Variants in USO1 observed in about 807,000 individuals in gnomAD.
USO1 encodes the protein general vesicular transport factor p115.
Under a neutral mutation model 124.5 loss-of-function variants are expected in USO1, and 57 were observed. That is an observed-to-expected ratio of 0.46 (90% CI 0.37 to 0.57). The LOEUF is 0.57. Among genes scored for constraint, USO1 ranks in the 20% least tolerant of loss-of-function variants. The probability of loss-of-function intolerance (pLI) is 0.00; values close to 1 mark genes in which losing one functional copy is unlikely to be tolerated. For synonymous variants in USO1, 369 were observed against 362.8 expected (o/e 1.02, Z -0.19); for missense variants, 900 against 1,040.6 (o/e 0.86, Z 1.86).
At chr4:75,760,942 TTCAAGACCAGCCTAGCCAG>T (rs1721589091) in intron 4 of USO1, among the ~76,000 whole-genome samples, 2 of 151,794 alleles carry the variant, frequency 1.3e-5, no homozygotes, top group Admixed American at 6.6e-5. Context: ...AGGTCGGGAG[TTCAAGACCAGCCTAGCCAG>T]CGTGGTGAAA....
intron 23 of USO1, 43 bp from the exon 24 acceptor site, chr4:75,813,163 A>C: frequency 6.4e-7 from 1 of 1,571,860 alleles, no homozygotes; most frequent in South Asian, 1.2e-5. Context: ...TGAATGTGAC[A>C]TGAACAGATT....
chr4:75,739,147 C>A (rs558338814), intron 1 of USO1, among the ~76,000 whole-genome samples: 4 of 152,266 alleles, frequency 2.6e-5, no homozygotes, highest in Admixed American at 6.5e-5. Context: ...CCACTGAGCC[C>A]AGCCAAGTTT....
At chr4:75,728,090 CTTACG>C (rs1720515394) in intron 1 of USO1, among the ~76,000 whole-genome samples, 1 of 152,196 alleles carries the variant, frequency 6.6e-6, no homozygotes, top group African/African-American at 2.4e-5. Context: ...ATTATAGCAA[CTTACG>C]TTACTAGGTA....
intron 4 of USO1, among the ~76,000 whole-genome samples, chr4:75,759,259 T>TTTTTTTTTTTTTTTTTTTTTTTG (rs1353469154): frequency 6.9e-6 from 1 of 143,946 alleles, no homozygotes; most frequent in Non-Finnish European, 1.5e-5. Context: ...TTTTTTTTTT[T>TTTTTTTTTTTTTTTTTTTTTTTG]TTTTTCTGAA....
chr4:75,740,293 G>A (rs1420618641), intron 1 of USO1, among the ~76,000 whole-genome samples: 1 of 152,086 alleles, frequency 6.6e-6, no homozygotes, highest in East Asian at 1.9e-4. Flanking sequence ...AGGACCAGTG[G>A]GTTTTGTTTT....
At chr4:75,776,640 C>T (rs371218169) in intron 8 of USO1, among the ~76,000 whole-genome samples, 2 of 152,278 alleles carry the variant, frequency 1.3e-5, no homozygotes, top group Middle Eastern at 3.4e-3. Context: ...GGAAAGAAGG[C>T]CTGCCAGTTG....
At position 75,813,440 on chromosome 4, in the gene USO1, T is replaced by C; in HGVS notation, c.*145T>C. ...AGACTATTGATATATTTTTGTAATG[T>C]TGCCACCCATGTTGAAAACCTTAAA... On this transcript the variant is annotated 3_prime_UTR_variant, in exon 24 of 24. Transcript: ENST00000514213. The C allele has an allele frequency of 2.3e-6, 2 of 854,586 alleles. No homozygotes were observed. The highest frequency in any genetic ancestry group is 3.2e-6 in the Non-Finnish European group (2 of 621,324). 52.9% of individuals were successfully genotyped at this position (854,586 alleles called of 1,614,324 possible).
At chr4:75,735,970 A>G (rs891889446) in intron 1 of USO1, among the ~76,000 whole-genome samples, 2 of 152,172 alleles carry the variant, frequency 1.3e-5, no homozygotes, top group African/African-American at 4.8e-5. Flanking sequence ...TTGTTAGACT[A>G]TAATTCTGAT....
rs1341464232 is a variant in USO1, at chr4:75,724,578, C to G, written c.-242C>G. The G allele has an allele frequency of 3.7e-6, 2 of 538,938 alleles. No individual in the cohort carries two copies. The highest frequency in any genetic ancestry group is 6.6e-6 in the Non-Finnish European group (2 of 302,010). 33.4% of individuals were successfully genotyped at this position (538,938 alleles called of 1,614,324 possible). A position where few individuals can be genotyped will look rare whatever the true frequency, so the allele number is the denominator to read the frequency against. On this transcript the variant is annotated 5_prime_UTR_variant, in exon 1 of 24. Coordinates refer to ENST00000514213, the MANE Select transcript of USO1 (RefSeq NM_003715.4). ...AAGAGGTTCCTCTCGCCTCCGCTCC[C>G]CTTTTGCCTTCAACCTTCGAGCCGC...
intron 13 of USO1, among the ~76,000 whole-genome samples, chr4:75,796,380 G>C (rs1722681809): frequency 8.1e-6 from 1 of 124,108 alleles, no homozygotes; most frequent in Admixed American, 1.0e-4. Flanking sequence ...CCGTTGCCCA[G>C]ACTGGAGTGC....
chr4:75,757,715 T>G (rs1176941722), intron 4 of USO1, 142 bp downstream of exon 4: 9 of 749,076 alleles, frequency 1.2e-5, no homozygotes, highest in Non-Finnish European at 1.3e-5. Flanking sequence ...AATAAACACA[T>G]AGGCTTAGAT....
At chr4:75,784,357 G>A (rs1051291835) in intron 9 of USO1, among the ~76,000 whole-genome samples, 2 of 152,144 alleles carry the variant, frequency 1.3e-5, no homozygotes, top group Non-Finnish European at 2.9e-5. Flanking sequence ...CTCTAGAAAA[G>A]TAATTTCCAA....
In USO1 at chr4:75,756,202, G is replaced by A. The variant is rs116103657; in HGVS notation, c.219-1295G>A. Among the ~76,000 whole-genome samples the A allele has an allele frequency of 1.4e-3, 213 of 150,182 alleles. 1 individual carries two copies. The highest frequency in any genetic ancestry group is 4.8e-3 in the African/African-American group (197 of 41,028). On this transcript the variant is annotated intron_variant, in intron 3 of 23. Transcript: ENST00000514213. ...AAAAAAAAAGAAGTAGAACAGGAACGCAGAAGAGGAAGTCAGAGTGTAGTG... is the reference window on the plus strand; with the variant it reads ...AAAAAAAAAGAAGTAGAACAGGAACACAGAAGAGGAAGTCAGAGTGTAGTG...
chr4:75,787,029 A>C, intron 9 of USO1, 33 bp from the exon 10 acceptor site: 1 of 1,551,190 alleles, frequency 6.4e-7, no homozygotes. Flanking sequence ...CAAATCTTTA[A>C]AAGACAAATT....
At chr4:75,738,054 C>T (rs1044621237) in intron 1 of USO1, among the ~76,000 whole-genome samples, 3 of 150,914 alleles carry the variant, frequency 2.0e-5, no homozygotes, top group Admixed American at 1.3e-4. Context: ...AGGCTGGTCT[C>T]GAACTCCTGA....
intron 12 of USO1, among the ~76,000 whole-genome samples, chr4:75,793,014 A>T (rs536809636): frequency 6.6e-6 from 1 of 152,044 alleles, no homozygotes; most frequent in African/African-American, 2.4e-5. Flanking sequence ...GTCTTTACAT[A>T]CCTGGCTTAT....
At chr4:75,734,305 T>C (rs1720725568) in intron 1 of USO1, among the ~76,000 whole-genome samples, 1 of 152,136 alleles carries the variant, frequency 6.6e-6, no homozygotes, top group South Asian at 2.1e-4. Context: ...CTTGAGTTAA[T>C]TTTTGTATAT....
chr4:75,765,000 T>G (rs1721727922), intron 4 of USO1, among the ~76,000 whole-genome samples: 1 of 152,218 alleles, frequency 6.6e-6, no homozygotes, highest in Non-Finnish European at 1.5e-5. Context: ...GTCTTTTGTT[T>G]GTAGTCAAGT....
At chr4:75,752,504 A>G in intron 2 of USO1, 36 bp from the exon 3 acceptor site, 3 of 398,450 alleles carry the variant, frequency 7.5e-6, no homozygotes, top group Non-Finnish European at 1.3e-5. Context: ...GTTGGATATT[A>G]GTTACTTTAG....
Sources: gnomAD v4.1 joint callset for allele counts (sites outside exome capture counted in the v4.1 genomes callset) on GRCh38, gnomAD v4.1.1 for gene constraint, MANE v1.5 for transcripts, NCBI Gene and HGNC (gene_info 2026-07-23, HGNC 2026-07-21) for gene names.